Variants in MTRF1L observed in about 807,000 individuals in gnomAD.
MTRF1L encodes mitochondrial translation release factor 1 like, also known as peptide chain release factor 1-like, mitochondrial.
Under a neutral mutation model 40.0 loss-of-function variants are expected in MTRF1L, and 29 were observed. The observed-to-expected ratio is 0.73, with a 90% CI of 0.54 to 0.99. MTRF1L has a LOEUF of 0.99. MTRF1L is among the 50% of genes least tolerant of loss of function. The pLI is 0.00. For missense variants in MTRF1L, 412 were observed against 464.5 expected (o/e 0.89, Z 1.04); for synonymous variants, 150 against 175.8 (o/e 0.85, Z 1.16).
Position 152,989,596 on chromosome 6 carries a change from TAAGTC to T in MTRF1L, c.*294_*298del, listed in dbSNP as rs1458016585. The T allele has an allele frequency of 3.9e-6, 1 of 253,694 alleles. No individual in the cohort carries two copies. Among genetic ancestry groups the T allele is most frequent in the Non-Finnish European group, 7.5e-6 (1 of 132,928 alleles). 15.7% of individuals were successfully genotyped at this position (253,694 alleles called of 1,614,324 possible). A position where few individuals can be genotyped will look rare whatever the true frequency, so the allele number is the denominator to read the frequency against. ...CACCATGGTAAAGTTGGAAAATTGT[TAAGTC>T]AAGCTGTCATTAATTAGGAGACTGC... On this transcript the variant is annotated 3_prime_UTR_variant, in exon 7 of 7. Transcript: ENST00000367233.
intron 1 of MTRF1L, among the ~76,000 whole-genome samples, chr6:152,999,053 A>G (rs888919774): frequency 1.8e-4 from 28 of 152,090 alleles, no homozygotes; most frequent in Admixed American, 6.5e-4. Flanking sequence ...AAATTCAATT[A>G]AAAAGTAGAA....
At chr6:152,990,475 A>C (rs992959022) in intron 6 of MTRF1L, 5 of 167,374 alleles carry the variant, frequency 3.0e-5, no homozygotes, top group East Asian at 3.5e-4. Flanking sequence ...TTCCGTGGTA[A>C]CAAGGTGGTG....
chr6:153,002,171 G>C (rs1778941106), intron 1 of MTRF1L, among the ~76,000 whole-genome samples: 1 of 152,194 alleles, frequency 6.6e-6, no homozygotes, highest in African/African-American at 2.4e-5. Flanking sequence ...TATCCTTGCT[G>C]AGCTAATGAG....
chr6:152,991,755 T>C (rs1778530424), intron 5 of MTRF1L, among the ~76,000 whole-genome samples: 1 of 152,170 alleles, frequency 6.6e-6, no homozygotes, highest in Non-Finnish European at 1.5e-5. Flanking sequence ...TTCACCTTGT[T>C]AGCCAGGATG....
intron 2 of MTRF1L, among the ~76,000 whole-genome samples, chr6:152,997,091 A>T (rs1778739910): frequency 6.6e-6 from 1 of 152,202 alleles, no homozygotes; most frequent in Non-Finnish European, 1.5e-5. Context: ...GAAATCATTG[A>T]TGCTTTATGA....
chr6:152,990,101 T>C lies in MTRF1L; in HGVS notation c.943-6A>G. ...GATCTTCCTTTACTTCCAATCTGTA[T>C]ATAGAGAAAAAGATGAGATGCAGCT... On this transcript the variant is annotated splice_region_variant and splice_polypyrimidine_tract_variant and intron_variant, in intron 6 of 6. Transcript: ENST00000367233. 6.2e-7 allele frequency: 1 copy of C among 1,610,982 alleles called. No homozygotes were observed. The highest frequency in any genetic ancestry group is 1.3e-5 in the African/African-American group (1 of 74,796).
chr6:152,988,222 T>A lies in MTRF1L; in HGVS notation c.*1673A>T, dbSNP rs1278439813. On this transcript the variant is annotated 3_prime_UTR_variant, in exon 7 of 7. Coordinates refer to ENST00000367233, the MANE Select transcript of MTRF1L (RefSeq NM_019041.7). The stretch of plus-strand genomic sequence containing the variant: ...AGGATGCTCCCCGAAACCTCTTTTA[T>A]TATGGGCCTTCATCCCAGTCCTAAG... The A allele has an allele frequency of 3.0e-5, 2 of 67,048 alleles. 1 individual carries two copies. The highest frequency in any genetic ancestry group is 3.0e-4 in the Admixed American group (2 of 6,650). 4.2% of individuals were successfully genotyped at this position (67,048 alleles called of 1,614,324 possible). A position where few individuals can be genotyped will look rare whatever the true frequency, so the allele number is the denominator to read the frequency against.
chr6:152,991,454 A>G, intron 5 of MTRF1L, 133 bp from the exon 6 acceptor site: 2 of 1,066,844 alleles, frequency 1.9e-6, no homozygotes, highest in Non-Finnish European at 2.6e-6. Context: ...CTAATAAAAA[A>G]GGGAGAGACT....
rs1381124643 is a variant in MTRF1L, at chr6:153,002,679, A to G, written c.7T>C (p.Ser3Pro). 3 of 1,487,772 alleles carry G rather than the reference A, an allele frequency of 2.0e-6. No individual in the cohort carries two copies. The highest frequency in any genetic ancestry group is 4.9e-5 in the East Asian group (2 of 40,466). 92.2% of individuals were successfully genotyped at this position (1,487,772 alleles called of 1,614,324 possible). MR[S>P]RVLWGAARWL... ...CGGGCAGCGCCCCACAGAACCCGGG[A>G]CCGCATCCTTAGTCCGAGATCGCGG... is the stretch of plus-strand genomic sequence containing the variant. Residue 3 changes from serine to proline, a missense_variant, in exon 1 of 7, where the codon TCC becomes CCC. Coordinates refer to ENST00000367233, the MANE Select transcript of MTRF1L (RefSeq NM_019041.7).
At position 153,002,615 on chromosome 6, in the gene MTRF1L, C is replaced by T. The variant is rs1402326033; in HGVS notation, c.71G>A (p.Arg24Gln). 3.2e-6 allele frequency: 5 copies of T among 1,541,090 alleles called. No individual in the cohort carries two copies. Among genetic ancestry groups the T allele is most frequent in the South Asian group, 2.4e-5 (2 of 83,764 alleles). Residue 24 changes from arginine (R) to glutamine (Q), a missense_variant, in exon 1 of 7, where the codon CGG becomes CAG. Transcript: ENST00000367233. ...CGGCGGGCTACCGGAGCTCAGGGGC[C>T]GGCGGGCTGGGCCAACGGCCCGGCG... Reference protein sequence around the residue: ...WPRRAVGPARRPLSSGSPPLE... With the variant: ...WPRRAVGPARQPLSSGSPPLE...
intron 1 of MTRF1L, 114 bp from the exon 2 acceptor site, chr6:152,998,743 A>G: frequency 1.7e-6 from 1 of 576,456 alleles, no homozygotes; most frequent in Non-Finnish European, 2.8e-6. Context: ...TAAAATGTAT[A>G]TCTTGTCCTT....
chr6:152,997,523 A>C (rs1294333923), intron 2 of MTRF1L, among the ~76,000 whole-genome samples: 1 of 152,190 alleles, frequency 6.6e-6, no homozygotes, highest in Non-Finnish European at 1.5e-5. Flanking sequence ...CTGGAGACAA[A>C]GTACAATCAA....
At chr6:152,994,391 G>T in intron 4 of MTRF1L, 122 bp downstream of exon 4, 1 of 976,252 alleles carries the variant, frequency 1.0e-6, no homozygotes, top group Non-Finnish European at 1.5e-6. Context: ...GAGATAATAT[G>T]CAACTCAAAA....
chr6:153,000,867 A>ATTTTTT (rs10536494), intron 1 of MTRF1L, among the ~76,000 whole-genome samples: 1 of 100,480 alleles, frequency 1.0e-5, no homozygotes, highest in Non-Finnish European at 1.9e-5. Flanking sequence ...GGTACTACGG[A>ATTTTTT]TTTTTTTTTT....
chr6:152,991,974 G>A (rs1399879032), intron 5 of MTRF1L, among the ~76,000 whole-genome samples: 1 of 152,118 alleles, frequency 6.6e-6, no homozygotes, highest in Non-Finnish European at 1.5e-5. Context: ...TAGAAACTAC[G>A]ATACATGAAA....
Position 153,002,695 on chromosome 6 carries a change from G to T in MTRF1L, c.-10C>A. On this transcript the variant is annotated 5_prime_UTR_variant, in exon 1 of 7. Coordinates refer to ENST00000367233, the MANE Select transcript of MTRF1L (RefSeq NM_019041.7). ...GAACCCGGGACCGCATCCTTAGTCC[G>T]AGATCGCGGACCCTGACCGGAACCG... 6.8e-7 allele frequency: 1 copy of T among 1,473,064 alleles called. No individual in the cohort carries two copies. Among genetic ancestry groups the T allele is most frequent in the South Asian group, 1.4e-5 (1 of 70,806 alleles). 91.2% of individuals were successfully genotyped at this position (1,473,064 alleles called of 1,614,324 possible). A position where few individuals can be genotyped will look rare whatever the true frequency, so the allele number is the denominator to read the frequency against.
chr6:152,998,745 C>A, intron 1 of MTRF1L, 116 bp from the exon 2 acceptor site: 2 of 565,844 alleles, frequency 3.5e-6, no homozygotes, highest in Admixed American at 4.1e-5. Flanking sequence ...AAATGTATAT[C>A]TTGTCCTTTC....
At chr6:152,999,434 C>G (rs755801541) in intron 1 of MTRF1L, among the ~76,000 whole-genome samples, 21 of 152,132 alleles carry the variant, frequency 1.4e-4, no homozygotes, top group Non-Finnish European at 2.6e-4. Context: ...GACCTGCCCT[C>G]AAGAGAGCAT....
chr6:153,002,552 GTCCGCAAGGGCCCGCCCCGGGTGAACAGC>G lies in MTRF1L; in HGVS notation c.105_133del (p.Glu35AspfsTer10), dbSNP rs772630487. The G allele has an allele frequency of 1.9e-6, 3 of 1,591,392 alleles. No homozygotes were observed. Among genetic ancestry groups the G allele is most frequent in the Non-Finnish European group, 8.5e-7 (1 of 1,170,202 alleles). On this transcript the variant is annotated frameshift_variant, in exon 1 of 7. Transcript: ENST00000367233. LOFTEE classifies it high-confidence loss of function. ...AGACCCCGCCTGGCGCTCGAGGAAG[GTCCGCAAGGGCCCGCCCCGGGTGAACAGC>G]TCCTCCAGCGGCGGGCTACCGGAGC...
Sources: gnomAD v4.1 joint callset for allele counts (sites outside exome capture counted in the v4.1 genomes callset) on GRCh38, gnomAD v4.1.1 for gene constraint, MANE v1.5 for transcripts, NCBI Gene and HGNC (gene_info 2026-07-23, HGNC 2026-07-21) for gene names.